Variants in SLC8B1 observed in about 807,000 individuals in gnomAD.
SLC8B1 encodes solute carrier family 8 member B1, also known as mitochondrial sodium/calcium exchanger protein.
Under a neutral mutation model 63.4 loss-of-function variants are expected in SLC8B1, and 52 were observed. That is an observed-to-expected ratio of 0.82 (90% CI 0.66 to 1.03). The LOEUF is 1.03. Among genes scored for constraint, SLC8B1 ranks in the 50% least tolerant of loss-of-function variants. The pLI is 0.00. For missense variants in SLC8B1, 657 were observed against 741.7 expected, an observed-to-expected ratio of 0.89 and a Z score of 1.33; for synonymous variants, 336 against 323.9, an observed-to-expected ratio of 1.04 and a Z score of -0.40.
intron 2 of SLC8B1, among the ~76,000 whole-genome samples, chr12:113,325,342 C>A (rs1010460525): frequency 6.6e-6 from 1 of 152,226 alleles, no homozygotes; most frequent in Non-Finnish European, 1.5e-5. Context: ...CAGCCTCGAA[C>A]TCCTGGGCGC....
At chr12:113,303,114 GACACACACAC>G (rs57763094) in intron 15 of SLC8B1, among the ~76,000 whole-genome samples, 5 of 140,952 alleles carry the variant, frequency 3.5e-5, no homozygotes, top group East Asian at 4.1e-4. Flanking sequence ...AAAGGCGGTG[GACACACACAC>G]ACACACACAC....
Position 113,320,484 on chromosome 12 carries a change from C to G in SLC8B1, c.541G>C (p.Val181Leu). Residue 181 changes from valine to leucine, a missense_variant, in exon 7 of 16, where the codon GTT becomes CTT. Transcript: ENST00000680972. The surrounding 1 kb of genome is among the most constrained non-coding windows in gnomAD (Gnocchi z 5.3). ...ATGCCTCCGGCCACCACTGTGGTAA[C>G]CAGCACGCCAGCGCCTGGGGGGAGG... ...LGALFGAGVL[V>L]TTVVAGGITI... The G allele has an allele frequency of 6.2e-7, 1 of 1,614,140 alleles. No individual in the cohort carries two copies. Among genetic ancestry groups the G allele is most frequent in the South Asian group, 1.1e-5 (1 of 91,092 alleles).
At chr12:113,322,792 C>CA (rs1027858901) in intron 2 of SLC8B1, among the ~76,000 whole-genome samples, 20 of 151,410 alleles carry the variant, frequency 1.3e-4, no homozygotes, top group South Asian at 4.2e-4. Context: ...ACAAAAAATA[C>CA]AAAAAAAACT....
chr12:113,316,777 G>T, intron 9 of SLC8B1, 121 bp from the exon 10 acceptor site: 1 of 1,516,622 alleles, frequency 6.6e-7, no homozygotes. Flanking sequence ...CCAGTACTCG[G>T]CAGAGGGCAG....
At chr12:113,309,650 G>A (rs983597648) in intron 12 of SLC8B1, among the ~76,000 whole-genome samples, 5 of 152,292 alleles carry the variant, frequency 3.3e-5, no homozygotes, top group African/African-American at 7.2e-5. Flanking sequence ...CATCTACTTG[G>A]GGGGCTGAGG....
chr12:113,314,811 C>A (rs1337497838), intron 11 of SLC8B1, among the ~76,000 whole-genome samples: 1 of 152,176 alleles, frequency 6.6e-6, no homozygotes, highest in Non-Finnish European at 1.5e-5. Flanking sequence ...CTGGATTTGG[C>A]CCTGGGGTCA....
chr12:113,317,064 C>A, intron 8 of SLC8B1, 63 bp from the exon 9 acceptor site: 2 of 1,463,342 alleles, frequency 1.4e-6, no homozygotes, highest in African/African-American at 1.4e-5. Flanking sequence ...CACACTGGGA[C>A]AGAGCAGGTT....
intron 8 of SLC8B1, 107 bp from the exon 9 acceptor site, chr12:113,317,108 T>G: frequency 2.1e-6 from 2 of 965,008 alleles, no homozygotes; most frequent in Non-Finnish European, 3.2e-6. Context: ...TCTTATTTAC[T>G]TAGTTATTTG....
Position 113,316,996 on chromosome 12 carries a change from G to A in SLC8B1, c.808C>T (p.Leu270Phe). The A allele has an allele frequency of 6.2e-7, 1 of 1,612,750 alleles. No individual in the cohort carries two copies. Among genetic ancestry groups the A allele is most frequent in the Middle Eastern group, 1.7e-4 (1 of 6,060 alleles). ...FCPMPVTPEI[L>F]SDSEEDRVSS... ...ACCCGGTCCTCCTCGGAGTCTGAGA[G>A]GATCTCTGCAGGAGAGAGGCCCAGT... The change falls in exon 9 of 16, where the codon CTC becomes TTC. Residue 270 changes from leucine to phenylalanine, a missense_variant. Leu to Phe is a conservative substitution (Grantham distance 22, BLOSUM62 0). Transcript: ENST00000680972.
intron 15 of SLC8B1, chr12:113,302,569 G>A (rs542820346): frequency 2.6e-4 from 119 of 452,666 alleles, no homozygotes; most frequent in Non-Finnish European, 4.9e-4. Flanking sequence ...GGACTGAAAT[G>A]TCCCCTCCCC....
chr12:113,329,284 A>G (rs575492660), intron 2 of SLC8B1, among the ~76,000 whole-genome samples: 2 of 152,284 alleles, frequency 1.3e-5, no homozygotes, highest in South Asian at 4.1e-4. Context: ...ACCACTGAGA[A>G]GTGGCTCCAA....
chr12:113,332,889 G>T lies in SLC8B1; in HGVS notation c.-11C>A. The T allele has an allele frequency of 2.5e-6, 4 of 1,613,238 alleles. No homozygotes were observed. The highest frequency in any genetic ancestry group is 3.4e-6 in the Non-Finnish European group (4 of 1,179,786). On this transcript the variant is annotated 5_prime_UTR_variant, in exon 2 of 16. Transcript: ENST00000680972. ...CCTTCTGCCGGCCATCTGCCCCCAC[G>T]GGGCCTGGCCCTTACTCTCCACTTC...
chr12:113,310,440 C>G, intron 11 of SLC8B1, 85 bp from the exon 12 acceptor site: 2 of 1,526,124 alleles, frequency 1.3e-6, no homozygotes, highest in Non-Finnish European at 1.8e-6. Flanking sequence ...CAGGTAGACA[C>G]TTCCTATCTG....
At chr12:113,304,069 T>TG (rs1407616351) in intron 15 of SLC8B1, among the ~76,000 whole-genome samples, 1 of 152,072 alleles carries the variant, frequency 6.6e-6, no homozygotes, top group East Asian at 1.9e-4. Flanking sequence ...TTAGTAGAGA[T>TG]GGGGTTTCAC....
chr12:113,319,065 A>G lies in SLC8B1; in HGVS notation c.701T>C (p.Leu234Pro). ...GACCACATAGAACACATACAAGCCC[A>G]GGTAACCTGCAGACGGGGTGCACGC... ...RVTLAWALGY[L>P]GLYVFYVVTV... The change falls in exon 8 of 16, where the codon CTG becomes CCG. Residue 234 changes from leucine (L) to proline (P), a missense_variant. By Grantham distance (98) the Leu-to-Pro change is moderately conservative. Coordinates refer to ENST00000680972, the MANE Select transcript of SLC8B1 (RefSeq NM_001358345.2). The G allele has an allele frequency of 1.9e-6, 3 of 1,613,772 alleles. No homozygotes were observed. The highest frequency in any genetic ancestry group is 2.5e-6 in the Non-Finnish European group (3 of 1,179,714).
chr12:113,318,242 GTGT>G (rs1345454102), intron 8 of SLC8B1, among the ~76,000 whole-genome samples: 10 of 151,986 alleles, frequency 6.6e-5, no homozygotes, highest in East Asian at 1.9e-4. Flanking sequence ...ATTTGTGTGT[GTGT>G]TGTGTATTTG....
intron 8 of SLC8B1, among the ~76,000 whole-genome samples, chr12:113,318,282 CAT>C (rs954811026): frequency 1.3e-5 from 2 of 149,886 alleles, no homozygotes; most frequent in South Asian, 2.1e-4. Context: ...ATTTGTGTTG[CAT>C]GTGTGTGAGC....
chr12:113,303,843 A>C (rs116801883), intron 15 of SLC8B1, among the ~76,000 whole-genome samples: 1 of 152,028 alleles, frequency 6.6e-6, no homozygotes, highest in Non-Finnish European at 1.5e-5. Context: ...CTCATTTTAT[A>C]GGGGAGGAAA....
intron 8 of SLC8B1, among the ~76,000 whole-genome samples, chr12:113,318,732 G>A (rs560592923): frequency 7.2e-5 from 11 of 152,290 alleles, no homozygotes; most frequent in Admixed American, 7.2e-4. Context: ...AGATGGCCCT[G>A]GCAACTGCAT....
Sources: gnomAD v4.1 joint callset for allele counts (sites outside exome capture counted in the v4.1 genomes callset) on GRCh38, gnomAD v4.1.1 for gene constraint, Gnocchi (gnomAD v3.1) non-coding constraint, MANE v1.5 for transcripts, NCBI Gene and HGNC (gene_info 2026-07-23, HGNC 2026-07-21) for gene names.